The following ACO2 variants were observed in gnomAD, a reference collection of about 807,000 sequenced individuals.
ACO2 encodes the protein aconitase 2.
In ACO2, 31 loss-of-function variants were observed where a neutral mutation model predicts 84.5. That is an observed-to-expected ratio of 0.37 (90% CI 0.28 to 0.50). The LOEUF is 0.50. ACO2 is among the 20% of genes least tolerant of loss of function. The pLI is 0.97. For missense variants in ACO2, 685 were observed against 1,029.3 expected, an observed-to-expected ratio of 0.67 and a Z score of 4.58; for synonymous variants, 414 against 412.7, an observed-to-expected ratio of 1.00 and a Z score of -0.04.
chr22:41,519,485 G>A (rs1266553240), intron 8 of ACO2, among the ~76,000 whole-genome samples: 4 of 152,172 alleles, frequency 2.6e-5, no homozygotes, highest in Admixed American at 6.6e-5. Flanking sequence ...TATGTAAAGC[G>A]TCTGGCCTTA....
At position 41,478,764 on chromosome 22, in the gene ACO2, C is replaced by CTTT. The variant is rs761466511; in HGVS notation, c.36+9600_36+9602dup. On this transcript the variant is annotated intron_variant, in intron 1 of 17. Transcript: ENST00000216254. ...CCGCCCTGTCCCTGCCACATATCTT[C>CTTT]TTTTTTTTTTTTTTTTTTTTGAGAA... Among the ~76,000 whole-genome samples the CTTT allele has an allele frequency of 2.6e-3, 324 of 125,828 alleles. 2 individuals are homozygous for CTTT. The highest frequency in any genetic ancestry group is 8.2e-3 in the African/African-American group (277 of 33,828). The allele number at this position is 125,828 out of a possible 152,430, so 82.5% of individuals were successfully genotyped here.
chr22:41,526,813 T>TTGGACTTTTTCTGCTTTGAG, intron 15 of ACO2: 1 of 307,540 alleles, frequency 3.3e-6, no homozygotes, highest in Non-Finnish European at 6.1e-6. Context: ...TCTGAGGTGA[T>TTGGACTTTTTCTGCTTTGAG]TGGACTTTTT....
At chr22:41,501,146 G>A (rs913294260) in intron 2 of ACO2, among the ~76,000 whole-genome samples, 20 of 152,136 alleles carry the variant, frequency 1.3e-4, no homozygotes, top group African/African-American at 4.8e-4. Flanking sequence ...TGGGACCACA[G>A]GCGTGAGCCA....
chr22:41,494,442 G>A (rs1470757820), intron 1 of ACO2, among the ~76,000 whole-genome samples: 3 of 142,806 alleles, frequency 2.1e-5, no homozygotes, highest in South Asian at 4.4e-4. Flanking sequence ...TCAGAGTTTC[G>A]CTCTTGTTGC....
intron 15 of ACO2, 125 bp from the exon 16 acceptor site, chr22:41,527,163 C>CGGG: frequency 6.9e-7 from 1 of 1,440,678 alleles, no homozygotes; most frequent in Non-Finnish European, 9.6e-7. Flanking sequence ...AGGGCCCCTC[C>CGGG]AGCCCCTTTA....
chr22:41,477,758 CTCATACGTTTAAAA>C (rs1460775636), intron 1 of ACO2, among the ~76,000 whole-genome samples: 1 of 152,080 alleles, frequency 6.6e-6, no homozygotes, highest in Non-Finnish European at 1.5e-5. Context: ...TTATCCTTAG[CTCATACGTTTAAAA>C]AAGACCAGTT....
At chr22:41,475,201 C>G (rs2037998897) in intron 1 of ACO2, among the ~76,000 whole-genome samples, 1 of 142,708 alleles carries the variant, frequency 7.0e-6, no homozygotes, top group Admixed American at 7.1e-5. Context: ...GAGATAGGGC[C>G]TCATTCTGTC....
chr22:41,526,685 A>C, intron 15 of ACO2: 1 of 483,452 alleles, frequency 2.1e-6, no homozygotes, highest in Non-Finnish European at 3.7e-6. Context: ...TTAGTGAGAG[A>C]TATCTTAGGA....
At chr22:41,527,582 C>T (rs539654510) in intron 16 of ACO2, 162 bp downstream of exon 16, 16 of 1,024,408 alleles carry the variant, frequency 1.6e-5, no homozygotes, top group African/African-American at 9.7e-5. Flanking sequence ...AGTGCACATC[C>T]GACGCTCAGC....
intron 1 of ACO2, among the ~76,000 whole-genome samples, chr22:41,496,613 C>T (rs953315495): frequency 2.0e-5 from 3 of 152,170 alleles, no homozygotes; most frequent in African/African-American, 4.8e-5. Context: ...ACAGGGATAG[C>T]GTTTATCACT....
intron 1 of ACO2, among the ~76,000 whole-genome samples, chr22:41,476,054 TAAG>T (rs1394560100): frequency 6.6e-6 from 1 of 152,158 alleles, no homozygotes; most frequent in African/African-American, 2.4e-5. Context: ...ACCCTTCAGT[TAAG>T]AAGGGTTCTG....
At chr22:41,526,519 G>A in intron 15 of ACO2, 66 bp downstream of exon 15, 1 of 1,540,342 alleles carries the variant, frequency 6.5e-7, no homozygotes, top group Non-Finnish European at 8.8e-7. Context: ...GGCAGGTGCA[G>A]GGAGGACATT....
chr22:41,510,992 A>G (rs2066429352), intron 3 of ACO2, among the ~76,000 whole-genome samples: 1 of 151,972 alleles, frequency 6.6e-6, no homozygotes, highest in African/African-American at 2.4e-5. Flanking sequence ...AAGTTATTTC[A>G]AAAAAAGCCT....
At chr22:41,524,435 T>G (rs1254024453) in intron 12 of ACO2, among the ~76,000 whole-genome samples, 2 of 152,190 alleles carry the variant, frequency 1.3e-5, no homozygotes, top group East Asian at 1.9e-4. Context: ...TTGACTTGGT[T>G]GTTTATCTGC....
chr22:41,517,623 G>A lies in ACO2; in HGVS notation c.932G>A (p.Gly311Asp), dbSNP rs1024515965. ...ATGAAGAAGTACCTGAGCAAGACCGGCCGGGAAGGTGAGCTGGCAGGGGCA... is the reference window on the plus strand; with the variant it reads ...ATGAAGAAGTACCTGAGCAAGACCGACCGGGAAGGTGAGCTGGCAGGGGCA... ...HRMKKYLSKT[G>D]REDIANLADE... is the part of the protein sequence containing the mutation. Residue 311 changes from glycine (G) to aspartate (D), a missense_variant, in exon 7 of 18, where the codon GGC becomes GAC. Transcript: ENST00000216254. 3.1e-6 allele frequency: 5 copies of A among 1,613,946 alleles called. No individual in the cohort carries two copies. Among genetic ancestry groups the A allele is most frequent in the Non-Finnish European group, 3.4e-6 (4 of 1,179,956 alleles).
intron 1 of ACO2, among the ~76,000 whole-genome samples, chr22:41,480,282 GC>G (rs2146083679): frequency 6.6e-6 from 1 of 152,352 alleles, no homozygotes; most frequent in East Asian, 1.9e-4. Flanking sequence ...AGAGATGTGA[GC>G]CCGAAGTCAT....
At chr22:41,517,396 TCAC>T (rs1264630555) in intron 6 of ACO2, 128 bp from the exon 7 acceptor site, 7 of 751,156 alleles carry the variant, frequency 9.3e-6, no homozygotes, top group African/African-American at 8.6e-5. Flanking sequence ...CGGCCCGCTG[TCAC>T]CACATCTCTC....
At chr22:41,477,129 ATTATTTATTTATTTATTTAT>A (rs141758153) in intron 1 of ACO2, among the ~76,000 whole-genome samples, 2 of 145,720 alleles carry the variant, frequency 1.4e-5, no homozygotes, top group Non-Finnish European at 3.0e-5. Flanking sequence ...TGGTTTCCAT[ATTATTTATTTATTTATTTAT>A]TTATTTATTT....
At chr22:41,527,796 A>T (rs945176259) in intron 16 of ACO2, 105 bp from the exon 17 acceptor site, 24 of 1,557,648 alleles carry the variant, frequency 1.5e-5, no homozygotes, top group Non-Finnish European at 2.1e-5. Flanking sequence ...GCATTGTCCC[A>T]GGCAGCAGGA....
Sources: gnomAD v4.1 joint callset for allele counts (sites outside exome capture counted in the v4.1 genomes callset) on GRCh38, gnomAD v4.1.1 for gene constraint, MANE v1.5 for transcripts, NCBI Gene and HGNC (gene_info 2026-07-23, HGNC 2026-07-21) for gene names.